Variants in CATSPERE observed in about 807,000 individuals in gnomAD.
CATSPERE encodes the protein catsper channel auxiliary subunit epsilon.
Under a neutral mutation model 114.1 loss-of-function variants are expected in CATSPERE, and 93 were observed. The observed-to-expected ratio is 0.81, with a 90% CI of 0.69 to 0.97. The LOEUF (loss-of-function observed/expected upper bound fraction) is 0.97, where lower values mean the gene tolerates loss of function less well. Among genes scored for constraint, CATSPERE ranks in the 50% least tolerant of loss-of-function variants. The pLI, the probability that CATSPERE is intolerant of heterozygous loss-of-function variation, is 0.00. For synonymous variants in CATSPERE, 341 were observed against 384.1 expected (o/e 0.89, Z 1.31); for missense variants, 1,058 against 1,131.6 (o/e 0.93, Z 0.93).
chr1:244,550,244 C>T (rs988451517), intron 8 of CATSPERE, among the ~76,000 whole-genome samples: 1 of 152,126 alleles, frequency 6.6e-6, no homozygotes, highest in Non-Finnish European at 1.5e-5. Context: ...TGAAAGGCAA[C>T]CACTCATAAT....
In CATSPERE at chr1:244,639,891, G is replaced by T; in HGVS notation, c.2703-37G>T. The T allele has an allele frequency of 2.0e-6, 3 of 1,466,284 alleles. No homozygotes were observed. The South Asian group carries it at 3.9e-5, about 19-fold the overall frequency. The allele number at this position is 1,466,284 out of a possible 1,614,324, so 90.8% of individuals were successfully genotyped here. On this transcript the variant is annotated intron_variant, in intron 21 of 21. Coordinates refer to ENST00000366534, the MANE Select transcript of CATSPERE (RefSeq NM_001130957.2). Reference sequence around the variant, plus strand: ...AATTAACAGCCAAAGTGTGAACAATGACTTCTAATGCCTTTTTTTTTTTTT... The same window carrying T: ...AATTAACAGCCAAAGTGTGAACAATTACTTCTAATGCCTTTTTTTTTTTTT...
intron 20 of CATSPERE, among the ~76,000 whole-genome samples, chr1:244,623,953 G>T (rs930502974): frequency 6.6e-6 from 1 of 151,852 alleles, no homozygotes; most frequent in African/African-American, 2.4e-5. Context: ...TGATGGCTGG[G>T]GTGGCTGTGG....
intron 6 of CATSPERE, among the ~76,000 whole-genome samples, chr1:244,493,524 C>G (rs1672589949): frequency 6.6e-6 from 1 of 152,156 alleles, no homozygotes; most frequent in Non-Finnish European, 1.5e-5. Context: ...CAATACCATT[C>G]AGGACATAGG....
intron 8 of CATSPERE, among the ~76,000 whole-genome samples, chr1:244,536,989 C>T (rs1680488227): frequency 6.6e-6 from 1 of 151,792 alleles, no homozygotes; most frequent in Non-Finnish European, 1.5e-5. Context: ...ATGTCATCTG[C>T]AAACAAAAAC....
At chr1:244,462,003 GAC>G (rs908357056) in intron 1 of CATSPERE, among the ~76,000 whole-genome samples, 10 of 152,142 alleles carry the variant, frequency 6.6e-5, no homozygotes, top group African/African-American at 2.2e-4. Context: ...AATTGGTAGA[GAC>G]AGGGTCTCAC....
intron 19 of CATSPERE, among the ~76,000 whole-genome samples, chr1:244,615,939 C>T (rs1671324300): frequency 1.4e-5 from 2 of 139,174 alleles, no homozygotes; most frequent in South Asian, 2.4e-4. Context: ...TATAGTGAGA[C>T]CCCCATCTCC....
chr1:244,479,734 T>C lies in CATSPERE; in HGVS notation c.276T>C (p.Tyr92=), dbSNP rs1361091552. 4.4e-6 allele frequency: 7 copies of C among 1,600,764 alleles called. No homozygotes were observed. The highest frequency in any genetic ancestry group is 4.3e-6 in the Non-Finnish European group (5 of 1,171,120). The change falls in exon 5 of 22, where the codon TAT becomes TAC. Residue 92 remains tyrosine (Y), a synonymous_variant. Coordinates refer to ENST00000366534, the MANE Select transcript of CATSPERE (RefSeq NM_001130957.2). ...TCTTTTAGGATGAAGAAGAACGCTA[T>C]TTATTTGTGGAAAGTTCTCATACTT... ...IVTGPDEEER[Y]LFVESSHTCF...
intron 7 of CATSPERE, among the ~76,000 whole-genome samples, chr1:244,512,769 G>A (rs1675978010): frequency 6.6e-6 from 1 of 152,166 alleles, no homozygotes; most frequent in African/African-American, 2.4e-5. Flanking sequence ...TTCAGTGTTG[G>A]TTGGGTAGGT....
At chr1:244,535,666 C>T (rs1026907242) in intron 8 of CATSPERE, among the ~76,000 whole-genome samples, 1 of 151,782 alleles carries the variant, frequency 6.6e-6, no homozygotes, top group Admixed American at 6.6e-5. Flanking sequence ...AGTTGGTTCC[C>T]CTCTGGCCCA....
intron 2 of CATSPERE, among the ~76,000 whole-genome samples, chr1:244,474,843 A>C (rs1198149800): frequency 1.3e-5 from 2 of 150,614 alleles, no homozygotes; most frequent in African/African-American, 4.9e-5. Flanking sequence ...TCCTGGACTC[A>C]AGCGATCCTC....
At chr1:244,508,461 C>T (rs1675173950) in intron 7 of CATSPERE, among the ~76,000 whole-genome samples, 1 of 151,816 alleles carries the variant, frequency 6.6e-6, no homozygotes, top group Admixed American at 6.5e-5. Flanking sequence ...CCACCACGCC[C>T]AGCTAATTTT....
intron 18 of CATSPERE, among the ~76,000 whole-genome samples, chr1:244,609,597 C>T (rs957205601): frequency 3.9e-5 from 6 of 151,912 alleles, no homozygotes; most frequent in Admixed American, 6.6e-5. Flanking sequence ...GTGTTATCAC[C>T]ACTTCTAGGC....
rs61325021 is a variant in CATSPERE, at chr1:244,625,432, A to ATTTTTTTTTT, written c.2648+7752_2648+7761dup. Among the ~76,000 whole-genome samples, 10 of 3,988 alleles carry ATTTTTTTTTT rather than the reference A, an allele frequency of 2.5e-3. 2 individuals carry two copies. Among genetic ancestry groups the ATTTTTTTTTT allele is most frequent in the East Asian group, 0.04 (2 of 50 alleles). The allele number at this position is 3,988 out of a possible 152,430, so 2.6% of individuals were successfully genotyped here. A position where few individuals can be genotyped will look rare whatever the true frequency, so the allele number is the denominator to read the frequency against. ...TATATATATATATATATATATATAT[A>ATTTTTTTTTT]TTTTTTTTTTTTTTTGAGATGGAGT... is the stretch of plus-strand genomic sequence containing the variant. On this transcript the variant is annotated intron_variant, in intron 20 of 21. Transcript: ENST00000366534.
intron 6 of CATSPERE, among the ~76,000 whole-genome samples, chr1:244,495,126 A>G (rs1215688710): frequency 6.6e-6 from 1 of 152,144 alleles, no homozygotes; most frequent in Non-Finnish European, 1.5e-5. Flanking sequence ...CTTTACGTTA[A>G]TATAGGTGCG....
At chr1:244,585,824 T>C (rs1049348843) in intron 13 of CATSPERE, among the ~76,000 whole-genome samples, 1 of 152,244 alleles carries the variant, frequency 6.6e-6, no homozygotes, top group Non-Finnish European at 1.5e-5. Flanking sequence ...CCAACAAGGC[T>C]GCATCTCACT....
chr1:244,523,114 A>G (rs1374616515), intron 8 of CATSPERE, among the ~76,000 whole-genome samples: 14 of 148,158 alleles, frequency 9.4e-5, no homozygotes, highest in African/African-American at 3.7e-4. Flanking sequence ...TGAATCCAGC[A>G]GCACATCAAA....
intron 10 of CATSPERE, 36 bp from the exon 11 acceptor site, chr1:244,572,294 T>C (rs1558518419): frequency 2.0e-6 from 2 of 1,014,582 alleles, no homozygotes; most frequent in Non-Finnish European, 2.9e-6. Flanking sequence ...GATTTATGGT[T>C]ACTTAGACTA....
chr1:244,470,119 C>T (rs1668244840), intron 2 of CATSPERE, among the ~76,000 whole-genome samples: 1 of 152,024 alleles, frequency 6.6e-6, no homozygotes, highest in South Asian at 2.1e-4. Flanking sequence ...AGGGAAAATC[C>T]GTGACCTTGG....
chr1:244,556,957 T>C (rs1661676364), intron 9 of CATSPERE, among the ~76,000 whole-genome samples: 1 of 152,174 alleles, frequency 6.6e-6, no homozygotes, highest in African/African-American at 2.4e-5. Context: ...CCTGTTTTTC[T>C]CCACACCACT....
Sources: gnomAD v4.1 joint callset for allele counts (sites outside exome capture counted in the v4.1 genomes callset) on GRCh38, gnomAD v4.1.1 for gene constraint, MANE v1.5 for transcripts, NCBI Gene and HGNC (gene_info 2026-07-23, HGNC 2026-07-21) for gene names.